Variants in ADGRF1 observed in about 807,000 individuals in gnomAD.
ADGRF1 encodes the protein adhesion G protein-coupled receptor F1, also known as G protein-coupled receptor 110.
A neutral mutation model predicts 87.2 loss-of-function variants in ADGRF1; 85 were observed. The observed-to-expected ratio is 0.97, with a 90% CI of 0.82 to 1.17. ADGRF1 has a LOEUF of 1.17. Ranked by LOEUF, ADGRF1 falls within the 50% of genes most tolerant of loss-of-function variation. The pLI is 0.00. For missense variants in ADGRF1, 1,169 were observed against 1,077.2 expected, an observed-to-expected ratio of 1.09 and a Z score of -1.19; for synonymous variants, 430 against 408.8, an observed-to-expected ratio of 1.05 and a Z score of -0.63.
At chr6:47,011,476 G>A (rs1779705744) in intron 10 of ADGRF1, among the ~76,000 whole-genome samples, 1 of 152,172 alleles carries the variant, frequency 6.6e-6, no homozygotes, top group Admixed American at 6.5e-5. Context: ...AGGTACTGAG[G>A]TGATACCTAA....
At position 47,001,610 on chromosome 6, in the gene ADGRF1, C is replaced by A. The variant is rs769777577; in HGVS notation, c.2593-43G>T. 6.7e-6 allele frequency: 10 copies of A among 1,492,390 alleles called. No individual in the cohort carries two copies. The South Asian group carries it at 9.2e-5, about 14-fold the overall frequency. The allele number at this position is 1,492,390 out of a possible 1,614,324, so 92.4% of individuals were successfully genotyped here. On this transcript the variant is annotated intron_variant, in intron 13 of 14. Coordinates refer to ENST00000371253, the MANE Select transcript of ADGRF1 (RefSeq NM_153840.4). Reference sequence around the variant, plus strand: ...AAGTCATTTGGACATTAATAGCATTCTTTTACTGTTGGTCTGCATTTCCTG... The same window carrying A: ...AAGTCATTTGGACATTAATAGCATTATTTTACTGTTGGTCTGCATTTCCTG...
intron 7 of ADGRF1, chr6:47,019,774 C>G (rs774881211): frequency 1.0e-6 from 1 of 984,526 alleles, no homozygotes; most frequent in Non-Finnish European, 1.2e-6. Flanking sequence ...AAGTCAATTT[C>G]TCTGACCTCT....
chr6:47,038,072 G>T (rs1358089630), intron 1 of ADGRF1, among the ~76,000 whole-genome samples: 1 of 152,150 alleles, frequency 6.6e-6, no homozygotes, highest in African/African-American at 2.4e-5. Flanking sequence ...TGTTGGCCAG[G>T]TTGGTCTCGA....
chr6:47,008,837 T>C (rs1779604741), intron 11 of ADGRF1, 108 bp downstream of exon 11: 1 of 931,474 alleles, frequency 1.1e-6, no homozygotes, highest in Admixed American at 2.5e-5. Context: ...CTGATGGTCT[T>C]GCTGGAGGCA....
At chr6:47,017,023 T>C (rs538028353) in intron 7 of ADGRF1, 18 of 202,108 alleles carry the variant, frequency 8.9e-5, no homozygotes, top group African/African-American at 4.2e-4. Context: ...ATAAAGCTGG[T>C]TATGGAAGGC....
intron 11 of ADGRF1, among the ~76,000 whole-genome samples, chr6:47,008,333 T>TA (rs1396008859): frequency 1.3e-5 from 2 of 152,178 alleles, no homozygotes; most frequent in Non-Finnish European, 2.9e-5. Flanking sequence ...CTGTGCCAAG[T>TA]AAAAACCCAT....
At chr6:47,026,879 C>T (rs1470528257) in intron 3 of ADGRF1, among the ~76,000 whole-genome samples, 1 of 152,158 alleles carries the variant, frequency 6.6e-6, no homozygotes, top group African/African-American at 2.4e-5. Context: ...TTCTCGTCCA[C>T]GCAGGTGTGC....
chr6:47,030,890 G>T (rs1780396680), intron 1 of ADGRF1, among the ~76,000 whole-genome samples: 1 of 152,012 alleles, frequency 6.6e-6, no homozygotes, highest in Admixed American at 6.6e-5. Flanking sequence ...AGCCTCATGA[G>T]TAGCTGGCAT....
intron 1 of ADGRF1, among the ~76,000 whole-genome samples, chr6:47,031,257 GTCTCTCTCTCTCT>G (rs1210429792): frequency 1.5e-3 from 220 of 150,654 alleles, no homozygotes; most frequent in African/African-American, 4.9e-3. Context: ...CTCACTCTGT[GTCTCTCTCTCTCT>G]TCTCTCTCTC....
intron 4 of ADGRF1, 179 bp from the exon 5 acceptor site, chr6:47,024,396 C>A (rs1780163598): frequency 3.9e-6 from 2 of 512,146 alleles, no homozygotes; most frequent in African/African-American, 3.8e-5. Context: ...CTCACTGCAA[C>A]CTCTGCCTCC....
At position 47,012,208 on chromosome 6, in the gene ADGRF1, A is replaced by C. The variant is rs771038248; in HGVS notation, c.928-13T>G. On this transcript the variant is annotated splice_polypyrimidine_tract_variant and intron_variant, in intron 9 of 14. Transcript: ENST00000371253. Reference sequence around the variant, plus strand: ...TCATACTGAAATTCTAGAAGCGAAAATGGTTAAGTTCTAGAAAACAATGAC... The same window carrying C: ...TCATACTGAAATTCTAGAAGCGAAACTGGTTAAGTTCTAGAAAACAATGAC... 2 of 1,604,870 alleles carry C rather than the reference A, an allele frequency of 1.2e-6. No individual in the cohort carries two copies. The highest frequency in any genetic ancestry group is 4.5e-5 in the East Asian group (2 of 44,650).
At chr6:47,020,664 A>C (rs1582166637) in intron 7 of ADGRF1, 67 bp downstream of exon 7, 1 of 1,592,200 alleles carries the variant, frequency 6.3e-7, no homozygotes, top group East Asian at 2.2e-5. Flanking sequence ...TAAAAACAGC[A>C]CTCTGCCTTT....
At chr6:47,018,739 CTTCT>C (rs1344565496) in intron 7 of ADGRF1, 1 of 299,982 alleles carries the variant, frequency 3.3e-6, no homozygotes, top group African/African-American at 2.2e-5. Flanking sequence ...TGGTGAAACC[CTTCT>C]TTATTTTTTA....
rs3030596 is a variant in ADGRF1 at position 47,030,576 on chromosome 6, A to ATGTGTGTGTGTGTGTG, written c.-43-1488_-43-1473dup. ...AAGAAAGATATGTGATAACATGAAT[A>ATGTGTGTGTGTGTGTG]TGTGTGTGTGTGTGTGTGTGTGTGT... On this transcript the variant is annotated intron_variant, in intron 1 of 14. Transcript: ENST00000371253. Among the ~76,000 whole-genome samples, 101 of 138,556 alleles carry ATGTGTGTGTGTGTGTG rather than the reference A, an allele frequency of 7.3e-4. 1 individual carries two copies. The highest frequency in any genetic ancestry group is 1.0e-3 in the Non-Finnish European group (64 of 64,236). The allele number at this position is 138,556 out of a possible 152,430, so 90.9% of individuals were successfully genotyped here. A position where few individuals can be genotyped will look rare whatever the true frequency, so the allele number is the denominator to read the frequency against.
At position 47,007,341 on chromosome 6, in the gene ADGRF1, CA is replaced by C. The variant is rs780918339; in HGVS notation, c.2491-48del. 10 of 1,208,534 alleles carry C rather than the reference CA, an allele frequency of 8.3e-6. 1 individual carries two copies. The South Asian group carries it at 1.0e-4, about 13-fold the overall frequency. 74.9% of individuals were successfully genotyped at this position (1,208,534 alleles called of 1,614,324 possible). A position where few individuals can be genotyped will look rare whatever the true frequency, so the allele number is the denominator to read the frequency against. ...TCACATGTATTGTATTTTTCTTTTC[CA>C]AAAAAGAAAGCATTTATATGTAACA... On this transcript the variant is annotated intron_variant, in intron 11 of 14. Transcript: ENST00000371253.
At chr6:47,002,329 A>G (rs528324006) in intron 13 of ADGRF1, among the ~76,000 whole-genome samples, 24 of 152,244 alleles carry the variant, frequency 1.6e-4, no homozygotes, top group African/African-American at 5.8e-4. Flanking sequence ...TATTCAGTAG[A>G]TAGACCAGTG....
chr6:47,023,213 G>A (rs1017329062), intron 5 of ADGRF1, among the ~76,000 whole-genome samples: 6 of 152,146 alleles, frequency 3.9e-5, no homozygotes, highest in African/African-American at 1.4e-4. Flanking sequence ...CTAATTCATA[G>A]ACAGCAAGAG....
Position 47,005,854 on chromosome 6 carries a change from T to C in ADGRF1, c.2555A>G (p.Lys852Arg). 2 of 1,612,324 alleles carry C rather than the reference T, an allele frequency of 1.2e-6. No homozygotes were observed. The highest frequency in any genetic ancestry group is 1.7e-6 in the Non-Finnish European group (2 of 1,179,128). ...DSKLRQLLFN[K>R]LSALSSWKQT... The stretch of plus-strand genomic sequence containing the variant: ...CTTCCAAGAACTTAAGGCAGACAAC[T>C]TGTTGAACAGAAGTTGTCGCAGCTA... Residue 852 changes from lysine to arginine, a missense_variant, in exon 13 of 15, where the codon AAG becomes AGG. Lys to Arg is a conservative substitution (Grantham distance 26). Coordinates refer to ENST00000371253, the MANE Select transcript of ADGRF1 (RefSeq NM_153840.4).
chr6:47,001,065 C>A (rs752324496), intron 14 of ADGRF1, among the ~76,000 whole-genome samples: 5 of 152,238 alleles, frequency 3.3e-5, no homozygotes, highest in Non-Finnish European at 7.3e-5. Flanking sequence ...CCCCTTCCTG[C>A]CCAGGGGCAT....
Sources: gnomAD v4.1 joint callset for allele counts (sites outside exome capture counted in the v4.1 genomes callset) on GRCh38, gnomAD v4.1.1 for gene constraint, MANE v1.5 for transcripts, NCBI Gene and HGNC (gene_info 2026-07-23, HGNC 2026-07-21) for gene names.